The following SHANK2 variants were observed in gnomAD, a reference collection of about 807,000 sequenced individuals.
SHANK2 encodes SH3 and multiple ankyrin repeat domains protein 2.
Under a neutral mutation model 133.7 loss-of-function variants are expected in SHANK2, and 43 were observed. The ratio of observed to expected loss-of-function variants is 0.32; its 90% CI spans 0.25 to 0.41. The LOEUF is 0.41. Ranked by LOEUF, SHANK2 falls within the 10% of genes least tolerant of loss-of-function variation. The pLI is 1.00. For missense variants in SHANK2, 1,994 were observed against 2,235.8 expected (o/e 0.89, Z 2.18); for synonymous variants, 1,017 against 952.8 (o/e 1.07, Z -1.24).
At chr11:70,622,810 A>T (rs1057002852) in intron 17 of SHANK2, among the ~76,000 whole-genome samples, 2 of 152,006 alleles carry the variant, frequency 1.3e-5, no homozygotes, top group Non-Finnish European at 2.9e-5. Context: ...AAGTCAAACA[A>T]GCTGAACAAC....
Position 70,500,528 on chromosome 11 carries a change from G to T in SHANK2, c.2308+42C>A. On this transcript the variant is annotated intron_variant, in intron 21 of 25. Coordinates refer to ENST00000601538, the MANE Select transcript of SHANK2 (RefSeq NM_012309.5). This position sits in a 1 kb window ranked among gnomAD's most constrained non-coding sequence, Gnocchi z 4.5. ...AAGGATGTTTCTGTTCCACAGGGGG[G>T]TGATGGGCAGGGGGCTGAGACAGAC... 2.5e-6 allele frequency: 4 copies of T among 1,591,032 alleles called. No individual in the cohort carries two copies. The highest frequency in any genetic ancestry group is 3.4e-6 in the Non-Finnish European group (4 of 1,168,816).
Position 70,473,365 on chromosome 11 carries a change from G to C in SHANK2, c.5054C>G (p.Ser1685Cys), listed in dbSNP as rs370194056. ...CCGGCTCTGCAGGGTGATGGGCTGG[G>C]AGGTGCCGGGGCGAACAGTGAAGGT... ...TVTFTVRPGT[S>C]QPITLQSRPP... Residue 1685 changes from serine to cysteine, a missense_variant, in exon 26 of 26, where the codon TCC becomes TGC. Coordinates refer to ENST00000601538, the MANE Select transcript of SHANK2 (RefSeq NM_012309.5). The surrounding 1 kb of genome is among the most constrained non-coding windows in gnomAD (Gnocchi z 5.9). 6 of 1,612,474 alleles carry C rather than the reference G, an allele frequency of 3.7e-6. No individual in the cohort carries two copies. Among genetic ancestry groups the C allele is most frequent in the Non-Finnish European group, 4.2e-6 (5 of 1,180,038 alleles).
rs146217941 is a variant in SHANK2, at chr11:70,695,638, C to T, written c.1853+3050G>A. Among the ~76,000 whole-genome samples the T allele has an allele frequency of 1.4e-3, 215 of 152,268 alleles. No homozygotes were observed. In the Middle Eastern group the frequency reaches 0.021, roughly 15 times the overall value. ...GGGCTCTACTGCCCACAGATCAGGC[C>T]GCATACTCAGGCTCAGATGCTCATT... On this transcript the variant is annotated intron_variant, in intron 15 of 25. Coordinates refer to ENST00000601538, the MANE Select transcript of SHANK2 (RefSeq NM_012309.5).
At position 70,472,580 on chromosome 11, in the gene SHANK2, AG is replaced by A. The variant is rs1456164987; in HGVS notation, c.*288del. 2.1e-6 allele frequency: 1 copy of A among 472,298 alleles called. No individual in the cohort carries two copies. Among genetic ancestry groups the A allele is most frequent in the Admixed American group, 3.4e-5 (1 of 29,418 alleles). 29.3% of individuals were successfully genotyped at this position (472,298 alleles called of 1,614,324 possible). Reference sequence around the variant, plus strand: ...GGAGCCTCTCGGACCCGGCAAAGCGAGGCCACCTGCATGCTGGGCGGCAGGC... The same window carrying A: ...GGAGCCTCTCGGACCCGGCAAAGCGAGCCACCTGCATGCTGGGCGGCAGGC... On this transcript the variant is annotated 3_prime_UTR_variant, in exon 26 of 26. Transcript: ENST00000601538. The surrounding 1 kb of genome is among the most constrained non-coding windows in gnomAD (Gnocchi z 4.4).
rs202196892 is a variant in SHANK2 at position 70,820,516 on chromosome 11, G to C, written c.1341C>G (p.Pro447=). 5 of 717,008 alleles carry C rather than the reference G, an allele frequency of 7.0e-6. No individual in the cohort carries two copies. The highest frequency in any genetic ancestry group is 1.5e-5 in the South Asian group (1 of 67,586). 44.4% of individuals were successfully genotyped at this position (717,008 alleles called of 1,614,324 possible). Residue 447 remains proline, a synonymous_variant, in exon 12 of 26, where the codon CCC becomes CCG. Coordinates refer to ENST00000601538, the MANE Select transcript of SHANK2 (RefSeq NM_012309.5). The part of the protein sequence containing the change: ...STATSHRSLS[P]QLLQQMPSKP... ...TGCTGGGCATCTGCTGCAGCAGCTG[G>C]GGTGACAGGCTGCGGTGCGAGGTGG...
intron 17 of SHANK2, among the ~76,000 whole-genome samples, chr11:70,643,918 G>C (rs1234293654): frequency 1.3e-5 from 2 of 149,842 alleles, no homozygotes; most frequent in Admixed American, 6.7e-5. Context: ...TGCAGGTGGA[G>C]GGGGGGGAGG....
intron 1 of SHANK2, among the ~76,000 whole-genome samples, chr11:71,245,708 A>G (rs1053714223): frequency 1.3e-5 from 2 of 152,324 alleles, no homozygotes; most frequent in East Asian, 3.9e-4. Flanking sequence ...CCCTCGAGGG[A>G]GGGAAAGTCC....
intron 14 of SHANK2, among the ~76,000 whole-genome samples, chr11:70,794,805 C>G (rs1947873394): frequency 6.6e-6 from 1 of 152,178 alleles, no homozygotes; most frequent in South Asian, 2.1e-4. Flanking sequence ...ATTCACCCGC[C>G]TTGGCCTCCC....
At chr11:71,092,756 C>G (rs1053078677) in intron 7 of SHANK2, among the ~76,000 whole-genome samples, 167 bp from the exon 8 acceptor site, 1 of 152,128 alleles carries the variant, frequency 6.6e-6, no homozygotes, top group African/African-American at 2.4e-5. Flanking sequence ...AAGGGTATAA[C>G]CTGGCCGGGT....
chr11:70,776,227 C>G (rs777433699), intron 14 of SHANK2, among the ~76,000 whole-genome samples: 35 of 152,242 alleles, frequency 2.3e-4, no homozygotes, highest in Non-Finnish European at 4.1e-4. Flanking sequence ...ACCCAAGAAT[C>G]CAAGACACTG....
chr11:70,641,447 A>C (rs1334425691), intron 17 of SHANK2, among the ~76,000 whole-genome samples: 2 of 152,208 alleles, frequency 1.3e-5, no homozygotes, highest in Non-Finnish European at 2.9e-5. Context: ...AGTACAAGGC[A>C]TTGTGAGATC....
At chr11:70,642,105 G>T (rs2061191672) in intron 17 of SHANK2, among the ~76,000 whole-genome samples, 1 of 152,224 alleles carries the variant, frequency 6.6e-6, no homozygotes, top group African/African-American at 2.4e-5. Flanking sequence ...CCCTGAGGGA[G>T]GCCGCATTTC....
At chr11:71,080,634 A>G (rs1247775657) in intron 8 of SHANK2, among the ~76,000 whole-genome samples, 1 of 152,142 alleles carries the variant, frequency 6.6e-6, no homozygotes, top group African/African-American at 2.4e-5. Flanking sequence ...TTCTCCCAAA[A>G]CATATGCCTT....
intron 9 of SHANK2, among the ~76,000 whole-genome samples, chr11:71,073,147 C>CTTTCTTTTTTTTTT (rs1951166746): frequency 6.4e-5 from 4 of 62,758 alleles, no homozygotes; most frequent in African/African-American, 1.7e-4. Flanking sequence ...TTTTTCTTTT[C>CTTTCTTTTTTTTTT]TTTTTTTTCT....
At chr11:70,664,704 G>A (rs1944646511) in intron 15 of SHANK2, among the ~76,000 whole-genome samples, 1 of 152,210 alleles carries the variant, frequency 6.6e-6, no homozygotes. Context: ...AGCATACCCT[G>A]CGACGGGAAC....
intron 17 of SHANK2, among the ~76,000 whole-genome samples, chr11:70,632,448 A>G (rs890699417): frequency 3.3e-5 from 5 of 152,130 alleles, no homozygotes; most frequent in African/African-American, 1.2e-4. Context: ...CGGGCCCCGA[A>G]CAGCTGCAGG....
intron 10 of SHANK2, chr11:70,908,077 C>A: frequency 1.1e-5 from 3 of 278,510 alleles, no homozygotes; most frequent in Non-Finnish European, 1.5e-5. Context: ...CTCTGCGCAA[C>A]AGAGTGAGAG....
At chr11:71,119,083 G>A (rs1391148519) in intron 3 of SHANK2, 51 bp from the exon 4 acceptor site, 56 of 1,514,932 alleles carry the variant, frequency 3.7e-5, no homozygotes, top group Non-Finnish European at 5.0e-5. Flanking sequence ...CGCTACCTGA[G>A]TCACCCATGT....
chr11:70,639,580 C>G (rs2061150350), intron 17 of SHANK2, among the ~76,000 whole-genome samples: 2 of 152,208 alleles, frequency 1.3e-5, no homozygotes, highest in African/African-American at 4.8e-5. Flanking sequence ...CAGACCATCA[C>G]ACCACAGCAA....
Sources: allele counts gnomAD v4.1 joint callset (sites outside exome capture counted in the v4.1 genomes callset), GRCh38; gene constraint gnomAD v4.1.1; non-coding constraint Gnocchi (gnomAD v3.1); transcripts MANE v1.5; gene names NCBI Gene and HGNC (gene_info 2026-07-23, HGNC 2026-07-21).